COG7: variants seen among roughly 807,000 people sequenced by gnomAD.
COG7 encodes component of oligomeric golgi complex 7.
Under a neutral mutation model 91.5 loss-of-function variants are expected in COG7, and 49 were observed. The observed-to-expected ratio is 0.54, with a 90% CI of 0.43 to 0.68. The LOEUF is 0.68. Among genes scored for constraint, COG7 ranks in the 30% least tolerant of loss-of-function variants. The pLI, the probability that COG7 is intolerant of heterozygous loss-of-function variation, is 0.00. For missense variants in COG7, 895 were observed against 961.3 expected, an observed-to-expected ratio of 0.93 and a Z score of 0.91; for synonymous variants, 365 against 388.7, an observed-to-expected ratio of 0.94 and a Z score of 0.72.
intron 7 of COG7, among the ~76,000 whole-genome samples, chr16:23,419,776 A>G (rs1256442075): frequency 7.0e-6 from 1 of 143,784 alleles, no homozygotes; most frequent in African/African-American, 2.6e-5. Context: ...AAGAACTGCC[A>G]CAGAGAAAAG....
chr16:23,425,004 CT>C (rs1567340263), intron 6 of COG7, 57 bp from the exon 7 acceptor site: 1 of 1,505,080 alleles, frequency 6.6e-7, no homozygotes, highest in Non-Finnish European at 9.1e-7. Flanking sequence ...AGGAGCCCAC[CT>C]TTTTTAAAAA....
chr16:23,441,715 G>A (rs1964104198), intron 4 of COG7: 1 of 152,098 alleles, frequency 6.6e-6, no homozygotes, highest in Non-Finnish European at 1.5e-5. Context: ...CCCTTTACAG[G>A]AAATGTTTGT....
intron 4 of COG7, among the ~76,000 whole-genome samples, chr16:23,441,066 G>GA (rs201001732): frequency 2.7e-5 from 4 of 150,054 alleles, no homozygotes; most frequent in South Asian, 2.1e-4. Flanking sequence ...AAATAAAACA[G>GA]AAAAAAAAAA....
At chr16:23,393,201 T>C in intron 15 of COG7, 32 bp downstream of exon 15, 1 of 1,518,498 alleles carries the variant, frequency 6.6e-7, no homozygotes, top group Admixed American at 1.7e-5. Context: ...ACAGCTTGAC[T>C]TGTAACATCG....
At chr16:23,425,036 A>G in intron 6 of COG7, 89 bp from the exon 7 acceptor site, 1 of 1,134,720 alleles carries the variant, frequency 8.8e-7, no homozygotes, top group African/African-American at 1.5e-5. Context: ...GATGCCAGGC[A>G]CGGTGGCTTA....
At chr16:23,444,301 T>C (rs376824530) in intron 3 of COG7, among the ~76,000 whole-genome samples, 4 of 152,130 alleles carry the variant, frequency 2.6e-5, no homozygotes, top group East Asian at 3.8e-4. Context: ...TGCTTTACAA[T>C]TGAGTAAGAG....
At chr16:23,442,291 G>A (rs568387483) in intron 4 of COG7, among the ~76,000 whole-genome samples, 186 bp downstream of exon 4, 47 of 144,182 alleles carry the variant, frequency 3.3e-4, no homozygotes, top group African/African-American at 1.2e-3. Flanking sequence ...CCAAGATTGC[G>A]CCACTACACT....
At chr16:23,420,184 C>G (rs1477253187) in intron 7 of COG7, among the ~76,000 whole-genome samples, 1 of 152,138 alleles carries the variant, frequency 6.6e-6, no homozygotes, top group African/African-American at 2.4e-5. Context: ...AAAATTCCTA[C>G]GTTCAACCAC....
At chr16:23,399,400 T>C (rs991543562) in intron 13 of COG7, among the ~76,000 whole-genome samples, 1 of 152,114 alleles carries the variant, frequency 6.6e-6, no homozygotes, top group Non-Finnish European at 1.5e-5. Context: ...ACGCCAACCA[T>C]CCACATTTAC....
chr16:23,442,377 G>C, intron 4 of COG7, 100 bp downstream of exon 4: 1 of 905,712 alleles, frequency 1.1e-6, no homozygotes, highest in Admixed American at 1.8e-5. Flanking sequence ...TCTAATCTAT[G>C]TAATTCAATC....
rs747954249 is a variant in COG7 at position 23,452,839 on chromosome 16, G to A, written c.156C>T (p.Asn52=). ...MKLQLFIQEV[N]HAVEETSHQA... ...CGAGCGGCTCACCCTCCACGGCGTG[G>A]TTCACCTCTTGGATGAACAGCTGCA... is the stretch of plus-strand genomic sequence containing the variant. The change falls in exon 1 of 17, where the codon AAC becomes AAT. Residue 52 remains asparagine, a synonymous_variant. Coordinates refer to ENST00000307149, the MANE Select transcript of COG7 (RefSeq NM_153603.4). 2 of 1,613,060 alleles carry A rather than the reference G, an allele frequency of 1.2e-6. No homozygotes were observed. Among genetic ancestry groups the A allele is most frequent in the Non-Finnish European group, 1.7e-6 (2 of 1,179,704 alleles).
chr16:23,390,688 G>A (rs1963180283), intron 16 of COG7, among the ~76,000 whole-genome samples: 2 of 151,636 alleles, frequency 1.3e-5, no homozygotes, highest in African/African-American at 4.8e-5. Context: ...CGATCCTCCT[G>A]CCTCGGCCTC....
intron 5 of COG7, 77 bp from the exon 6 acceptor site, chr16:23,433,744 C>T: frequency 6.3e-7 from 1 of 1,577,202 alleles, no homozygotes; most frequent in South Asian, 1.1e-5. Context: ...TGCCCTGCTA[C>T]CCAGCGTAAT....
chr16:23,413,683 C>T, intron 9 of COG7, 119 bp from the exon 10 acceptor site: 1 of 739,024 alleles, frequency 1.4e-6, no homozygotes. Context: ...TCTTTAGAGG[C>T]TCCCACCGAC....
chr16:23,434,817 T>C, intron 4 of COG7, 99 bp from the exon 5 acceptor site: 1 of 784,682 alleles, frequency 1.3e-6, no homozygotes. Flanking sequence ...GAAGCTAGTA[T>C]TCACAAGTTC....
In COG7 at chr16:23,424,792, G is replaced by A; in HGVS notation, c.966C>T (p.Ala322=). The change falls in exon 7 of 17, where the codon GCC becomes GCT. Residue 322 remains alanine (A), a synonymous_variant. Coordinates refer to ENST00000307149, the MANE Select transcript of COG7 (RefSeq NM_153603.4). The part of the protein sequence containing the change: ...TRLLEFYDAT[A]HFAKGLEMAL... Reference sequence around the variant, plus strand: ...CCATCTCCAAGCCCTTGGCGAAGTGGGCGGTGGCGTCGTAGAACTCCAGCA... The same window carrying A: ...CCATCTCCAAGCCCTTGGCGAAGTGAGCGGTGGCGTCGTAGAACTCCAGCA... 2 of 1,614,234 alleles carry A rather than the reference G, an allele frequency of 1.2e-6. No homozygotes were observed. The highest frequency in any genetic ancestry group is 1.7e-6 in the Non-Finnish European group (2 of 1,180,040).
intron 1 of COG7, among the ~76,000 whole-genome samples, chr16:23,449,884 C>A (rs77151010): frequency 0.013 from 2,041 of 152,048 alleles, 50 homozygotes; most frequent in African/African-American, 0.046. Flanking sequence ...ATATAGAGCA[C>A]CAAAAAGAGT....
At chr16:23,448,560 C>CT (rs1457037931) in intron 1 of COG7, among the ~76,000 whole-genome samples, 1 of 152,114 alleles carries the variant, frequency 6.6e-6, no homozygotes, top group Non-Finnish European at 1.5e-5. Context: ...AATCCTCCCA[C>CT]TTCAGCTTCC....
At chr16:23,418,849 A>G (rs1467001117) in intron 7 of COG7, 22 bp from the exon 8 acceptor site, 2 of 1,610,624 alleles carry the variant, frequency 1.2e-6, no homozygotes, top group Non-Finnish European at 8.5e-7. Context: ...CAGAAATGTA[A>G]AACGATAATG....
Sources: allele counts gnomAD v4.1 joint callset (sites outside exome capture counted in the v4.1 genomes callset), GRCh38; gene constraint gnomAD v4.1.1; transcripts MANE v1.5; gene names NCBI Gene and HGNC (gene_info 2026-07-23, HGNC 2026-07-21).